PIH1D2: variants seen among roughly 807,000 people sequenced by gnomAD.
The protein encoded by PIH1D2 is PIH1 domain containing 2, also known as PIH1 domain-containing protein 2.
Under a neutral mutation model 31.2 loss-of-function variants are expected in PIH1D2, and 25 were observed. That is an observed-to-expected ratio of 0.80 (90% CI 0.58 to 1.12). PIH1D2 has a LOEUF of 1.12. Ranked by LOEUF, PIH1D2 falls within the 50% of genes most tolerant of loss-of-function variation. The probability of loss-of-function intolerance (pLI) is 0.00; values close to 1 mark genes in which losing one functional copy is unlikely to be tolerated. For missense variants in PIH1D2, 310 were observed against 356.6 expected, an observed-to-expected ratio of 0.87 and a Z score of 1.05; for synonymous variants, 116 against 119.9, an observed-to-expected ratio of 0.97 and a Z score of 0.21.
At chr11:112,056,842 G>A in the PIH1D2 span, among the ~76,000 whole-genome samples, 9 of 152,286 alleles carry the variant, frequency 5.9e-5, no homozygotes, top group African/African-American at 1.4e-4. Flanking sequence ...ATTTGTTACC[G>A]TGTGGGTGTG....
rs150431694 is a variant in PIH1D2 at position 112,071,721 on chromosome 11, T to A, written c.215A>T (p.Gln72Leu). Residue 72 changes from glutamine to leucine, a missense_variant, in exon 3 of 6, where the codon CAG becomes CTG. Gln to Leu is a moderately radical substitution (Grantham distance 113, BLOSUM62 -2). Coordinates refer to ENST00000280350, the MANE Select transcript of PIH1D2 (RefSeq NM_138789.4). The stretch of plus-strand genomic sequence containing the variant: ...TTGGGGAGCTGGGATCCTTGTCCAC[T>A]GACACAGGTTGATAAAAAGTATTTT... ...KEKILFINLC[Q>L]WTRIPAPQST... 4 of 1,613,866 alleles carry A rather than the reference T, an allele frequency of 2.5e-6. No individual in the cohort carries two copies. In the African/African-American group the frequency reaches 5.3e-5, roughly 22 times the overall value.
downstream of PIH1D2, among the ~76,000 whole-genome samples, chr11:112,058,303 G>A (rs1187261112): frequency 2.0e-5 from 3 of 152,138 alleles, no homozygotes; most frequent in Non-Finnish European, 4.4e-5. Context: ...TGATACCTTG[G>A]CTACAGTTCT....
downstream of PIH1D2, among the ~76,000 whole-genome samples, chr11:112,059,028 A>G (rs1262665309): frequency 6.6e-6 from 1 of 151,934 alleles, no homozygotes; most frequent in Non-Finnish European, 1.5e-5. Flanking sequence ...GGACTCCTTG[A>G]TAACAGAAGA....
downstream of PIH1D2, chr11:112,063,097 A>T (rs1273369172): frequency 5.2e-5 from 8 of 155,054 alleles, no homozygotes; most frequent in South Asian, 7.9e-4. Context: ...TGAAATTTTA[A>T]AAGTCAGCAT....
chr11:112,061,793 C>G (rs1326642549), downstream of PIH1D2, among the ~76,000 whole-genome samples: 1 of 152,110 alleles, frequency 6.6e-6, no homozygotes, highest in Non-Finnish European at 1.5e-5. Context: ...CCATGTAGGC[C>G]AGGCTGGTCT....
At chr11:112,059,079 TAC>T (rs1481472040), downstream of PIH1D2, among the ~76,000 whole-genome samples, 1 of 151,804 alleles carries the variant, frequency 6.6e-6, no homozygotes, top group Non-Finnish European at 1.5e-5. Flanking sequence ...TGGGACCCCT[TAC>T]TTTTACGTTC....
At position 112,071,027 on chromosome 11, in the gene PIH1D2, C is replaced by A. The variant is rs782780655; in HGVS notation, c.547+11G>T. 3 of 1,607,302 alleles carry A rather than the reference C, an allele frequency of 1.9e-6. No homozygotes were observed. The highest frequency in any genetic ancestry group is 2.5e-6 in the Non-Finnish European group (3 of 1,177,812). ...AGCAGTTTAATTTTCCATTTACAAT[C>A]ATCAACTTACCCCTTCTCATTTTTT... On this transcript the variant is annotated intron_variant, in intron 4 of 5. Transcript: ENST00000280350.
downstream of PIH1D2, among the ~76,000 whole-genome samples, chr11:112,066,066 T>C (rs989689529): frequency 1.3e-5 from 2 of 152,206 alleles, no homozygotes; most frequent in Non-Finnish European, 2.9e-5. Flanking sequence ...CATTAGTTTC[T>C]ATAGTTAAAA....
At chr11:112,062,583 TAAC>T, downstream of PIH1D2, 1 of 1,593,740 alleles carries the variant, frequency 6.3e-7, no homozygotes, top group Non-Finnish European at 8.6e-7. Context: ...GATTCATTCT[TAAC>T]AAGATATTTA....
At chr11:112,059,931 G>A, downstream of PIH1D2, 1 of 1,612,216 alleles carries the variant, frequency 6.2e-7, no homozygotes, top group East Asian at 2.2e-5. Flanking sequence ...CAGTGTTGCG[G>A]TCAGTACTCC....
intron 3 of PIH1D2, 34 bp downstream of exon 3, chr11:112,071,600 AT>A: frequency 6.3e-7 from 1 of 1,599,458 alleles, no homozygotes; most frequent in Non-Finnish European, 8.6e-7. Context: ...TCCTAATAAA[AT>A]TTTTACAATG....
Position 112,073,188 on chromosome 11 carries a change from T to C in PIH1D2, c.-14A>G, listed in dbSNP as rs1865201858. 1 of 1,562,706 alleles carries C rather than the reference T, an allele frequency of 6.4e-7. No individual in the cohort carries two copies. Among genetic ancestry groups the C allele is most frequent in the African/African-American group, 1.4e-5 (1 of 73,414 alleles). The stretch of plus-strand genomic sequence containing the variant: ...GGATGTCTCCATGACTTATGAGTGG[T>C]GAATAATTTTCTTAAGCCTGTGGAA... On this transcript the variant is annotated 5_prime_UTR_variant, in exon 2 of 6. Coordinates refer to ENST00000280350, the MANE Select transcript of PIH1D2 (RefSeq NM_138789.4).
At chr11:112,054,399 AT>A in the PIH1D2 span, among the ~76,000 whole-genome samples, 3 of 152,134 alleles carry the variant, frequency 2.0e-5, no homozygotes, top group Non-Finnish European at 2.9e-5. Flanking sequence ...CAGTGTTAAT[AT>A]TTGAATGCCT....
chr11:112,067,407 T>TA (rs1320816768), downstream of PIH1D2, among the ~76,000 whole-genome samples: 1 of 151,464 alleles, frequency 6.6e-6, no homozygotes, highest in Non-Finnish European at 1.5e-5. Flanking sequence ...CTCATGCCTG[T>TA]AATCCCAGCA....
At chr11:112,059,641 C>T (rs587613530), downstream of PIH1D2, among the ~76,000 whole-genome samples, 2 of 152,314 alleles carry the variant, frequency 1.3e-5, no homozygotes, top group East Asian at 3.9e-4. Flanking sequence ...GATCCGCCCA[C>T]CTCAGCCTCC....
In PIH1D2 at chr11:112,073,184, GT is replaced by G. The variant is rs1865201754; in HGVS notation, c.-11del. The stretch of plus-strand genomic sequence containing the variant: ...TTGAGGATGTCTCCATGACTTATGA[GT>G]GGTGAATAATTTTCTTAAGCCTGTG... On this transcript the variant is annotated 5_prime_UTR_variant, in exon 2 of 6. Coordinates refer to ENST00000280350, the MANE Select transcript of PIH1D2 (RefSeq NM_138789.4). 1 of 1,570,108 alleles carries G rather than the reference GT, an allele frequency of 6.4e-7. No individual in the cohort carries two copies.
At chr11:112,057,714 G>A in the PIH1D2 span, among the ~76,000 whole-genome samples, 1 of 152,156 alleles carries the variant, frequency 6.6e-6, no homozygotes, top group Non-Finnish European at 1.5e-5. Context: ...TGAAGGAAAG[G>A]AGGCCATAAT....
At chr11:112,067,754 C>T, downstream of PIH1D2, 3 of 1,070,346 alleles carry the variant, frequency 2.8e-6, no homozygotes, top group Non-Finnish European at 3.7e-6. Context: ...TCAAAATGAA[C>T]TTAGAAAATA....
chr11:112,058,053 T>G, the PIH1D2 span, among the ~76,000 whole-genome samples: 2 of 152,212 alleles, frequency 1.3e-5, no homozygotes, highest in Non-Finnish European at 1.5e-5. Context: ...GGTCTGGAAC[T>G]GAACCTGGAA....
Sources: gnomAD v4.1 joint callset for allele counts (sites outside exome capture counted in the v4.1 genomes callset) on GRCh38, gnomAD v4.1.1 for gene constraint, MANE v1.5 for transcripts, NCBI Gene and HGNC (gene_info 2026-07-23, HGNC 2026-07-21) for gene names.